Variants in TRAPPC10 observed in about 807,000 individuals in gnomAD.
The protein encoded by TRAPPC10 is TRAPP 130 kDa subunit.
Under a neutral mutation model 125.5 loss-of-function variants are expected in TRAPPC10, and 23 were observed. The ratio of observed to expected loss-of-function variants is 0.18; its 90% CI spans 0.13 to 0.26. The LOEUF is 0.26. TRAPPC10 is among the 10% of genes least tolerant of loss of function. The pLI is 1.00. For synonymous variants in TRAPPC10, 509 were observed against 518.0 expected (o/e 0.98, Z 0.24); for missense variants, 1,123 against 1,308.4 (o/e 0.86, Z 2.19).
chr21:44,022,754 C>T (rs2032658956), intron 1 of TRAPPC10, among the ~76,000 whole-genome samples: 1 of 151,738 alleles, frequency 6.6e-6, no homozygotes, highest in Non-Finnish European at 1.5e-5. Context: ...TTCATGTTCC[C>T]TCTGTCTCTT....
Position 44,101,087 on chromosome 21 carries a change from C to T in TRAPPC10, c.3347-1691C>T, listed in dbSNP as rs926674795. Among the ~76,000 whole-genome samples, 91 of 71,994 alleles carry T rather than the reference C, an allele frequency of 1.3e-3. 21 individuals are homozygous for T. The highest frequency in any genetic ancestry group is 2.6e-3 in the African/African-American group (84 of 32,870). 47.2% of individuals were successfully genotyped at this position (71,994 alleles called of 152,430 possible). On this transcript the variant is annotated intron_variant, in intron 21 of 22. Transcript: ENST00000291574. ...AGGAGAATTGCCTGAACCCAGGAGG[C>T]GGAGGTTGCAGTGAGCCAAAATTGC...
At position 44,083,272 on chromosome 21, in the gene TRAPPC10, A is replaced by G. The variant is rs750189628; in HGVS notation, c.2208A>G (p.Pro736=). ...VLRCSHVTLE[P]GANQITFRTQ... ...GGTGCAGCCACGTGACCCTGGAACCAGGGGCCAACCAGATAACATTCAGGA... is the reference window on the plus strand; with the variant it reads ...GGTGCAGCCACGTGACCCTGGAACCGGGGGCCAACCAGATAACATTCAGGA... Residue 736 remains proline (P), a synonymous_variant, in exon 14 of 23, where the codon CCA becomes CCG. Coordinates refer to ENST00000291574, the MANE Select transcript of TRAPPC10 (RefSeq NM_003274.5). 3 of 1,614,036 alleles carry G rather than the reference A, an allele frequency of 1.9e-6. No individual in the cohort carries two copies.
intron 1 of TRAPPC10, among the ~76,000 whole-genome samples, chr21:44,027,279 C>T (rs1395770335): frequency 2.0e-5 from 3 of 152,134 alleles, no homozygotes; most frequent in Admixed American, 2.0e-4. Flanking sequence ...ACTGAACATT[C>T]TGTTTTGCTT....
At chr21:44,090,691 A>C (rs1341902211) in intron 18 of TRAPPC10, among the ~76,000 whole-genome samples, 1 of 152,164 alleles carries the variant, frequency 6.6e-6, no homozygotes, top group African/African-American at 2.4e-5. Context: ...GCTAGCGTTG[A>C]TCAATGGGCT....
At chr21:44,090,316 C>T (rs189450157) in intron 18 of TRAPPC10, among the ~76,000 whole-genome samples, 4 of 152,188 alleles carry the variant, frequency 2.6e-5, no homozygotes, top group Non-Finnish European at 5.9e-5. Context: ...GTTCTCCTGT[C>T]CCTGTATTTC....
At chr21:44,091,109 T>C in intron 18 of TRAPPC10, among the ~76,000 whole-genome samples, 1 of 152,194 alleles carries the variant, frequency 6.6e-6, no homozygotes, top group East Asian at 1.9e-4. Context: ...GAGAATCACT[T>C]GAACCTGGGA....
chr21:44,040,408 T>C (rs1369604561), intron 3 of TRAPPC10, among the ~76,000 whole-genome samples: 1 of 152,124 alleles, frequency 6.6e-6, no homozygotes, highest in Non-Finnish European at 1.5e-5. Context: ...AGTGGTGGGT[T>C]CTTGGGTCAC....
Position 44,086,887 on chromosome 21 carries a change from G to A in TRAPPC10, c.2466G>A (p.Gln822=), listed in dbSNP as rs766802353. 1 of 1,614,214 alleles carries A rather than the reference G, an allele frequency of 6.2e-7. No homozygotes were observed. The highest frequency in any genetic ancestry group is 8.5e-7 in the Non-Finnish European group (1 of 1,180,032). Residue 822 remains glutamine (Q), a synonymous_variant, in exon 16 of 23, where the codon CAG becomes CAA. Coordinates refer to ENST00000291574, the MANE Select transcript of TRAPPC10 (RefSeq NM_003274.5). The stretch of plus-strand genomic sequence containing the variant: ...CGATAAAGAATGGAGACAGCCTGCA[G>A]CTTAGCAATGCCGAAGCCATGCTCA... ...HYTIKNGDSL[Q]LSNAEAMLIL...
intron 1 of TRAPPC10, among the ~76,000 whole-genome samples, chr21:44,030,317 G>T (rs926758565): frequency 1.3e-5 from 2 of 152,098 alleles, no homozygotes; most frequent in Non-Finnish European, 2.9e-5. Flanking sequence ...ATTCCATTTA[G>T]TTGGCTTACT....
At position 44,059,054 on chromosome 21, in the gene TRAPPC10, C is replaced by G; in HGVS notation, c.679-49C>G. 1 of 1,427,584 alleles carries G rather than the reference C, an allele frequency of 7.0e-7. No homozygotes were observed. The highest frequency in any genetic ancestry group is 2.3e-5 in the East Asian group (1 of 43,480). The allele number at this position is 1,427,584 out of a possible 1,614,324, so 88.4% of individuals were successfully genotyped here. A position where few individuals can be genotyped will look rare whatever the true frequency, so the allele number is the denominator to read the frequency against. Reference sequence around the variant, plus strand: ...ATGGCTACATACTGTTTCTTCTATACATTGATTTATGTTTTTGTTTTTTTA... The same window carrying G: ...ATGGCTACATACTGTTTCTTCTATAGATTGATTTATGTTTTTGTTTTTTTA... On this transcript the variant is annotated intron_variant, in intron 5 of 22. Transcript: ENST00000291574. The surrounding 1 kb of genome is among the most constrained non-coding windows in gnomAD (Gnocchi z 4.4).
At chr21:44,067,459 G>A (rs1334355801) in intron 7 of TRAPPC10, among the ~76,000 whole-genome samples, 1 of 152,130 alleles carries the variant, frequency 6.6e-6, no homozygotes, top group Non-Finnish European at 1.5e-5. Flanking sequence ...GGGAGGAGCT[G>A]GATTGAAGGA....
intron 3 of TRAPPC10, among the ~76,000 whole-genome samples, chr21:44,047,575 C>G (rs1030002921): frequency 3.3e-5 from 4 of 122,072 alleles, no homozygotes; most frequent in Non-Finnish European, 4.7e-5. Flanking sequence ...TGCGCGCACA[C>G]GCTACATGAA....
intron 17 of TRAPPC10, chr21:44,088,237 C>T: frequency 2.5e-6 from 1 of 394,448 alleles, no homozygotes; most frequent in East Asian, 5.1e-5. Context: ...GTCCATTAGA[C>T]CGGTGACGAG....
chr21:44,089,956 G>A (rs1305312180), intron 18 of TRAPPC10, 23 bp downstream of exon 18: 4 of 1,582,762 alleles, frequency 2.5e-6, no homozygotes, highest in South Asian at 2.2e-5. Context: ...TAGCGTGCGG[G>A]CCCTGGCTTC....
chr21:44,047,139 C>A, intron 3 of TRAPPC10: 1 of 504,510 alleles, frequency 2.0e-6, no homozygotes, highest in Admixed American at 3.2e-5. Flanking sequence ...CACTGTGATT[C>A]AAACTGCTTG....
intron 4 of TRAPPC10, among the ~76,000 whole-genome samples, chr21:44,054,870 A>G (rs1309255753): frequency 6.6e-6 from 1 of 152,062 alleles, no homozygotes; most frequent in Non-Finnish European, 1.5e-5. Context: ...AGCAGTTGGG[A>G]TGGTGATTGG....
intron 1 of TRAPPC10, among the ~76,000 whole-genome samples, chr21:44,016,227 C>T (rs929320502): frequency 6.6e-5 from 10 of 152,110 alleles, no homozygotes; most frequent in African/African-American, 2.4e-4. Flanking sequence ...TAAATTTTAG[C>T]GTAGATTTGT....
chr21:44,064,056 G>A (rs1166566512), intron 7 of TRAPPC10, among the ~76,000 whole-genome samples: 3 of 152,320 alleles, frequency 2.0e-5, no homozygotes, highest in Admixed American at 2.0e-4. Context: ...GGCTGACTGC[G>A]GCCTGTGCTG....
chr21:44,023,452 T>C (rs902986162), intron 1 of TRAPPC10, among the ~76,000 whole-genome samples: 1 of 152,208 alleles, frequency 6.6e-6, no homozygotes, highest in Non-Finnish European at 1.5e-5. Flanking sequence ...ACATACTTGA[T>C]GTGTTACAGT....
Sources: gnomAD v4.1 joint callset for allele counts (sites outside exome capture counted in the v4.1 genomes callset) on GRCh38, gnomAD v4.1.1 for gene constraint, Gnocchi (gnomAD v3.1) non-coding constraint, MANE v1.5 for transcripts, NCBI Gene and HGNC (gene_info 2026-07-23, HGNC 2026-07-21) for gene names.